SCAPER: variants seen among roughly 807,000 people sequenced by gnomAD.
SCAPER encodes the protein S phase cyclin A-associated protein in the endoplasmic reticulum.
Under a neutral mutation model 182.2 loss-of-function variants are expected in SCAPER, and 98 were observed. The ratio of observed to expected loss-of-function variants is 0.54; its 90% CI spans 0.46 to 0.64. The LOEUF (loss-of-function observed/expected upper bound fraction) is 0.64, where lower values mean the gene tolerates loss of function less well. Ranked by LOEUF, SCAPER falls within the 30% of genes least tolerant of loss-of-function variation. SCAPER has a pLI of 0.00. For synonymous variants in SCAPER, 605 were observed against 564.6 expected (o/e 1.07, Z -1.01); for missense variants, 1,432 against 1,690.0 (o/e 0.85, Z 2.68).
chr15:76,666,319 A>G (rs941311133), intron 20 of SCAPER, among the ~76,000 whole-genome samples: 1 of 152,226 alleles, frequency 6.6e-6, no homozygotes, highest in African/African-American at 2.4e-5. Context: ...AGGTCATCTC[A>G]GAAAACACAT....
chr15:76,473,060 G>A (rs768071881), intron 24 of SCAPER, among the ~76,000 whole-genome samples: 5 of 152,148 alleles, frequency 3.3e-5, no homozygotes, highest in African/African-American at 4.8e-5. Context: ...TTTCTAGATT[G>A]TGGATTTTCA....
At chr15:76,425,205 G>T (rs184022283) in intron 26 of SCAPER, among the ~76,000 whole-genome samples, 5 of 152,210 alleles carry the variant, frequency 3.3e-5, no homozygotes, top group African/African-American at 1.2e-4. Flanking sequence ...ATATCCTGCA[G>T]AGTGTTTTCC....
intron 15 of SCAPER, among the ~76,000 whole-genome samples, chr15:76,733,800 A>G (rs1220677004): frequency 6.6e-6 from 1 of 152,066 alleles, no homozygotes; most frequent in Non-Finnish European, 1.5e-5. Flanking sequence ...GTCTTTATAT[A>G]ATAACATGAA....
chr15:76,879,114 C>G (rs1448973696), intron 2 of SCAPER, among the ~76,000 whole-genome samples: 2 of 152,124 alleles, frequency 1.3e-5, no homozygotes, highest in African/African-American at 4.8e-5. Context: ...TATTCTTTTC[C>G]TTCTTTGCCA....
intron 23 of SCAPER, among the ~76,000 whole-genome samples, chr15:76,545,963 G>C (rs2045246554): frequency 6.6e-6 from 1 of 152,078 alleles, no homozygotes; most frequent in Non-Finnish European, 1.5e-5. Flanking sequence ...AATATTCCCA[G>C]AGCTCACACA....
At chr15:76,436,260 G>T (rs187125852) in intron 25 of SCAPER, among the ~76,000 whole-genome samples, 2 of 152,074 alleles carry the variant, frequency 1.3e-5, no homozygotes, top group African/African-American at 4.8e-5. Flanking sequence ...TAGAGACAGG[G>T]TTTCACCATG....
intron 21 of SCAPER, among the ~76,000 whole-genome samples, chr15:76,658,491 C>T (rs1272974180): frequency 6.6e-6 from 1 of 152,006 alleles, no homozygotes; most frequent in East Asian, 1.9e-4. Flanking sequence ...CTGCTCAAAG[C>T]AATTTATAGA....
chr15:76,487,644 C>A (rs2051790646), intron 24 of SCAPER, among the ~76,000 whole-genome samples: 1 of 152,068 alleles, frequency 6.6e-6, no homozygotes, highest in Non-Finnish European at 1.5e-5. Flanking sequence ...CCTGGGAACT[C>A]AATTTCTGCC....
intron 5 of SCAPER, among the ~76,000 whole-genome samples, chr15:76,834,864 T>A (rs764061203): frequency 6.6e-6 from 1 of 151,502 alleles, no homozygotes; most frequent in Non-Finnish European, 1.5e-5. Context: ...GAAACTGAAA[T>A]CCTGAATAAA....
chr15:76,674,274 G>A (rs925813776), intron 20 of SCAPER, among the ~76,000 whole-genome samples: 2 of 152,224 alleles, frequency 1.3e-5, no homozygotes, highest in East Asian at 3.9e-4. Flanking sequence ...CAAACATTAT[G>A]TTCATCTTGA....
intron 27 of SCAPER, among the ~76,000 whole-genome samples, chr15:76,390,493 G>A (rs911759540): frequency 6.6e-6 from 1 of 152,168 alleles, no homozygotes; most frequent in Non-Finnish European, 1.5e-5. Flanking sequence ...AGAGGTGACA[G>A]GCTCAGGACA....
chr15:76,510,447 C>A (rs1332542281), intron 23 of SCAPER, among the ~76,000 whole-genome samples: 1 of 152,062 alleles, frequency 6.6e-6, no homozygotes, highest in Admixed American at 6.5e-5. Context: ...TATGAATAGA[C>A]AATTCTCAAA....
chr15:76,662,259 T>G lies in SCAPER; in HGVS notation c.2645+3394A>C, dbSNP rs948711613. 9.9e-5 allele frequency among the ~76,000 whole-genome samples: 15 copies of G among 152,274 alleles called. 1 individual carries two copies. Among genetic ancestry groups the G allele is most frequent in the African/African-American group, 3.4e-4 (14 of 41,548 alleles). On this transcript the variant is annotated intron_variant, in intron 21 of 31. Transcript: ENST00000563290. ...AATATCTAGATGATGGGTTGATAGT[T>G]GCAGCAAACCACCATGGCACATGTT...
At chr15:76,830,238 T>G (rs1425766397) in intron 5 of SCAPER, among the ~76,000 whole-genome samples, 1 of 152,070 alleles carries the variant, frequency 6.6e-6, no homozygotes, top group Non-Finnish European at 1.5e-5. Context: ...AAAAGTGGTG[T>G]GAAATGAAGA....
chr15:76,517,197 T>C (rs2042494240), intron 23 of SCAPER, among the ~76,000 whole-genome samples: 2 of 152,066 alleles, frequency 1.3e-5, no homozygotes. Flanking sequence ...AATCTTGGGC[T>C]ACTTAGAGCC....
intron 23 of SCAPER, among the ~76,000 whole-genome samples, chr15:76,541,438 C>T (rs157768): frequency 0.12 from 18,110 of 152,036 alleles, 1,485 homozygotes; most frequent in African/African-American, 0.23. Flanking sequence ...TCCCCCCACA[C>T]GATGGTATAG....
intron 2 of SCAPER, among the ~76,000 whole-genome samples, chr15:76,877,493 G>T (rs142993348): frequency 6.6e-6 from 1 of 152,024 alleles, no homozygotes; most frequent in East Asian, 1.9e-4. Context: ...TATCAAAAGA[G>T]AAAACAGAAA....
chr15:76,854,851 A>G (rs2071174991), intron 4 of SCAPER, among the ~76,000 whole-genome samples: 1 of 151,424 alleles, frequency 6.6e-6, no homozygotes, highest in Non-Finnish European at 1.5e-5. Flanking sequence ...AGGTGCCTGT[A>G]GTCCCAGCTA....
intron 21 of SCAPER, among the ~76,000 whole-genome samples, chr15:76,650,220 A>T (rs1178007837): frequency 6.6e-6 from 1 of 152,114 alleles, no homozygotes; most frequent in Non-Finnish European, 1.5e-5. Flanking sequence ...ATGAAGAGAC[A>T]AATGTCCAGA....
Sources: allele counts gnomAD v4.1 joint callset (sites outside exome capture counted in the v4.1 genomes callset), GRCh38; gene constraint gnomAD v4.1.1; transcripts MANE v1.5; gene names NCBI Gene and HGNC (gene_info 2026-07-23, HGNC 2026-07-21).